The following RAPGEF1 variants were observed in gnomAD, a reference collection of about 807,000 sequenced individuals.
RAPGEF1 encodes Rap guanine nucleotide exchange factor 1, also known as CRK SH3-binding GNRP.
A neutral mutation model predicts 143.3 loss-of-function variants in RAPGEF1; 33 were observed. The observed-to-expected ratio is 0.23, with a 90% CI of 0.17 to 0.31. RAPGEF1 has a LOEUF of 0.31. RAPGEF1 is among the 10% of genes least tolerant of loss of function. The probability of loss-of-function intolerance (pLI) is 1.00; values close to 1 mark genes in which losing one functional copy is unlikely to be tolerated. For synonymous variants in RAPGEF1, 629 were observed against 676.5 expected (o/e 0.93, Z 1.09); for missense variants, 1,199 against 1,645.4 (o/e 0.73, Z 4.69).
chr9:131,714,674 C>T (rs1408332597), intron 1 of RAPGEF1, among the ~76,000 whole-genome samples: 1 of 149,718 alleles, frequency 6.7e-6, no homozygotes, highest in Non-Finnish European at 1.5e-5. Flanking sequence ...GGGAGGCACT[C>T]TTCTGTCTTC....
intron 20 of RAPGEF1, 109 bp downstream of exon 20, chr9:131,588,692 G>A (rs1244868826): frequency 7.7e-6 from 9 of 1,175,170 alleles, no homozygotes; most frequent in African/African-American, 1.6e-5. Context: ...CTCATCAAAG[G>A]GCCTGTGCAG....
chr9:131,688,884 C>T (rs538800585), intron 1 of RAPGEF1, among the ~76,000 whole-genome samples: 5 of 152,296 alleles, frequency 3.3e-5, no homozygotes, highest in South Asian at 2.1e-4. Flanking sequence ...GGCCATAGAA[C>T]GAAACTTCGT....
At chr9:131,592,899 G>A (rs936908692) in intron 17 of RAPGEF1, among the ~76,000 whole-genome samples, 5 of 152,094 alleles carry the variant, frequency 3.3e-5, no homozygotes, top group African/African-American at 9.7e-5. Flanking sequence ...CCACAGGCAC[G>A]CGCCACTACG....
At chr9:131,600,896 C>T (rs1956155399) in intron 15 of RAPGEF1, among the ~76,000 whole-genome samples, 1 of 152,142 alleles carries the variant, frequency 6.6e-6, no homozygotes, top group Non-Finnish European at 1.5e-5. Context: ...TGGCTCACGC[C>T]TGTAATCCCA....
At chr9:131,677,051 C>T (rs146280501) in intron 1 of RAPGEF1, among the ~76,000 whole-genome samples, 52 of 152,350 alleles carry the variant, frequency 3.4e-4, no homozygotes, top group African/African-American at 1.2e-3. Flanking sequence ...TCCTTCCTTA[C>T]GGCCTCCTAT....
intron 16 of RAPGEF1, among the ~76,000 whole-genome samples, chr9:131,597,828 G>A (rs1955560683): frequency 6.6e-6 from 1 of 152,116 alleles, no homozygotes; most frequent in Admixed American, 6.6e-5. Flanking sequence ...AAGCTACAGT[G>A]GAGCTATTTT....
At chr9:131,735,705 C>T (rs1375491267) in intron 1 of RAPGEF1, among the ~76,000 whole-genome samples, 4 of 152,136 alleles carry the variant, frequency 2.6e-5, no homozygotes, top group Admixed American at 6.5e-5. Flanking sequence ...AGTGGGCCGT[C>T]GGAGGTGTGG....
intron 12 of RAPGEF1, among the ~76,000 whole-genome samples, chr9:131,605,763 CT>C (rs34279999): frequency 0.76 from 109,254 of 143,244 alleles, 41,548 homozygotes; most frequent in East Asian, 0.83. Flanking sequence ...TTCTTTCTTT[CT>C]TTTTTTTTTT....
chr9:131,718,008 G>A (rs1034727234), intron 1 of RAPGEF1, among the ~76,000 whole-genome samples: 1 of 152,096 alleles, frequency 6.6e-6, no homozygotes, highest in Admixed American at 6.5e-5. Flanking sequence ...AAACCCTACC[G>A]CAGGATCCAT....
chr9:131,711,917 G>A (rs62583099), intron 1 of RAPGEF1, among the ~76,000 whole-genome samples: 34,913 of 152,030 alleles, frequency 0.23, 4,595 homozygotes, highest in Non-Finnish European at 0.3. Context: ...GTTAAACCAG[G>A]CCCTTCCTTT....
At chr9:131,642,988 A>G (rs1968484995) in intron 4 of RAPGEF1, among the ~76,000 whole-genome samples, 1 of 152,156 alleles carries the variant, frequency 6.6e-6, no homozygotes, top group Admixed American at 6.5e-5. Context: ...TGCAATGACC[A>G]CAAACTTACA....
rs1298862870 is a variant in RAPGEF1 at position 131,605,112 on chromosome 9, G to C, written c.2138C>G (p.Pro713Arg). 7.3e-7 allele frequency: 1 copy of C among 1,364,762 alleles called. No individual in the cohort carries two copies. The highest frequency in any genetic ancestry group is 4.6e-5 in the East Asian group (1 of 21,960). 84.5% of individuals were successfully genotyped at this position (1,364,762 alleles called of 1,614,324 possible). The change falls in exon 13 of 27, where the codon CCT (proline) becomes CGT (arginine). Residue 713 changes from proline to arginine, a missense_variant. This residue lies in a region of RAPGEF1 where 293 missense variants were observed against 356.2 expected (regional missense o/e 0.82). Coordinates refer to ENST00000683357, the MANE Select transcript of RAPGEF1 (RefSeq NM_001377935.1). Reference protein sequence around the residue: ...HQASVPPFLPPTSSSSPHFPP... With the variant: ...HQASVPPFLPRTSSSSPHFPP... ...GAAATGTGGAGAGGAAGAGGAGGTAGGCGGAAGGAAAGGCGGAACGGAAGC... is the reference window on the plus strand; with the variant it reads ...GAAATGTGGAGAGGAAGAGGAGGTACGCGGAAGGAAAGGCGGAACGGAAGC...
intron 19 of RAPGEF1, 48 bp downstream of exon 19, chr9:131,589,838 C>T (rs1316585176): frequency 6.5e-6 from 10 of 1,530,948 alleles, no homozygotes; most frequent in African/African-American, 4.1e-5. Context: ...TGGAATGGAG[C>T]CTTTGCCTCC....
intron 1 of RAPGEF1, among the ~76,000 whole-genome samples, chr9:131,725,760 GTTTT>G (rs71501267): frequency 1.5e-5 from 2 of 132,634 alleles, no homozygotes; most frequent in Non-Finnish European, 3.2e-5. Flanking sequence ...ATTGGGTTGT[GTTTT>G]TTTTTTTTTT....
intron 12 of RAPGEF1, among the ~76,000 whole-genome samples, chr9:131,615,185 T>G (rs748232115): frequency 8.6e-4 from 131 of 152,310 alleles, no homozygotes; most frequent in African/African-American, 7.0e-4. Flanking sequence ...CCATTCTCCT[T>G]CCTCAGCCTC....
chr9:131,608,920 G>A (rs759632379), intron 12 of RAPGEF1, among the ~76,000 whole-genome samples: 45 of 152,220 alleles, frequency 3.0e-4, no homozygotes, highest in Non-Finnish European at 5.9e-4. Context: ...CAGAAACGCC[G>A]CCTCATCACA....
At chr9:131,622,455 T>C (rs186877846) in intron 10 of RAPGEF1, among the ~76,000 whole-genome samples, 145 of 152,220 alleles carry the variant, frequency 9.5e-4, no homozygotes, top group African/African-American at 3.1e-3. Flanking sequence ...AAACCCCAAC[T>C]AGTCAACAAA....
chr9:131,589,250 G>A (rs1312799204), intron 19 of RAPGEF1, among the ~76,000 whole-genome samples: 1 of 152,226 alleles, frequency 6.6e-6, no homozygotes, highest in African/African-American at 2.4e-5. Flanking sequence ...GCTGGGGCCT[G>A]GGCTGCAGGG....
intron 1 of RAPGEF1, among the ~76,000 whole-genome samples, chr9:131,727,723 T>C (rs1294286356): frequency 6.6e-6 from 1 of 152,192 alleles, no homozygotes; most frequent in Non-Finnish European, 1.5e-5. Flanking sequence ...TCCAGGTCCC[T>C]AGCCCAATTC....
Sources: allele counts gnomAD v4.1 joint callset (sites outside exome capture counted in the v4.1 genomes callset), GRCh38; gene constraint gnomAD v4.1.1; regional missense constraint gnomAD v4.1.1; transcripts MANE v1.5; gene names NCBI Gene and HGNC (gene_info 2026-07-23, HGNC 2026-07-21).